Variants in ADCY5 observed in about 807,000 individuals in gnomAD.
ADCY5 encodes the protein adenylate cyclase type 5.
Under a neutral mutation model 119.7 loss-of-function variants are expected in ADCY5, and 30 were observed. That is an observed-to-expected ratio of 0.25 (90% CI 0.19 to 0.34). The LOEUF (loss-of-function observed/expected upper bound fraction) is 0.34. Ranked by LOEUF, ADCY5 falls within the 10% of genes least tolerant of loss-of-function variation. The pLI is 1.00. For missense variants in ADCY5, 1,324 were observed against 1,775.2 expected, an observed-to-expected ratio of 0.75 and a Z score of 4.57; for synonymous variants, 753 against 762.2, an observed-to-expected ratio of 0.99 and a Z score of 0.20.
chr3:123,434,108 C>T (rs867217214), intron 1 of ADCY5, among the ~76,000 whole-genome samples: 1 of 152,232 alleles, frequency 6.6e-6, no homozygotes, highest in African/African-American at 2.4e-5. Flanking sequence ...CTCCACACAG[C>T]TTCTGAAAGC....
At chr3:123,381,263 G>A (rs964472662) in intron 1 of ADCY5, among the ~76,000 whole-genome samples, 10 of 152,166 alleles carry the variant, frequency 6.6e-5, no homozygotes, top group Admixed American at 5.2e-4. Flanking sequence ...AGTACACCAG[G>A]GGTCAGGGCA....
intron 1 of ADCY5, among the ~76,000 whole-genome samples, chr3:123,445,339 G>GCC (rs11371880): frequency 7.2e-4 from 105 of 145,796 alleles, no homozygotes; most frequent in South Asian, 2.2e-3. Flanking sequence ...TGGAATTGGG[G>GCC]CCCCCCCCAA....
chr3:123,345,254 G>A (rs1335526404), intron 3 of ADCY5, among the ~76,000 whole-genome samples: 1 of 152,248 alleles, frequency 6.6e-6, no homozygotes, highest in African/African-American at 2.4e-5. Context: ...AGTGGGAGAA[G>A]AGATGGTGAG....
intron 1 of ADCY5, chr3:123,419,091 A>G (rs1945246264): frequency 1.1e-6 from 1 of 937,430 alleles, no homozygotes; most frequent in Non-Finnish European, 1.3e-6. Context: ...AAATCTTTCT[A>G]TATGTCTATA....
chr3:123,306,864 T>C (rs1191427495), intron 12 of ADCY5, among the ~76,000 whole-genome samples: 6 of 152,250 alleles, frequency 3.9e-5, no homozygotes, highest in Admixed American at 1.3e-4. Context: ...AATTGATGAA[T>C]GAATAAACAA....
intron 7 of ADCY5, among the ~76,000 whole-genome samples, chr3:123,326,929 G>T (rs1442374359): frequency 6.6e-6 from 1 of 152,228 alleles, no homozygotes; most frequent in Admixed American, 6.5e-5. Flanking sequence ...TTCTTAGGAA[G>T]AGAAATGGGG....
At chr3:123,400,013 A>T (rs1489836383) in intron 1 of ADCY5, among the ~76,000 whole-genome samples, 1 of 152,212 alleles carries the variant, frequency 6.6e-6, no homozygotes, top group Admixed American at 6.5e-5. Context: ...GCATGCAGTA[A>T]GCACAATGAA....
chr3:123,392,167 C>T (rs1004594034), intron 1 of ADCY5, among the ~76,000 whole-genome samples: 3 of 152,108 alleles, frequency 2.0e-5, no homozygotes, highest in Non-Finnish European at 4.4e-5. Flanking sequence ...GTATAGCCTC[C>T]GTTATACTAA....
rs762871040 is a variant in ADCY5, at chr3:123,318,072, C to A, written c.2302G>T (p.Ala768Ser). Residue 768 changes from alanine (A) to serine (S), a missense_variant, in exon 11 of 21, where the codon GCC becomes TCC. By Grantham distance (99) the Ala-to-Ser change is moderately conservative. Around this residue, in one of 6 missense-constraint regions of ADCY5, gnomAD observed 424 missense variants for 546.8 expected, o/e 0.78. Coordinates refer to ENST00000462833, the MANE Select transcript of ADCY5 (RefSeq NM_183357.3). ...CAGATGAAGAGGAAGACGAGCGAGGCACACGCCACATAGGCACCAAATCGG... is the reference window on the plus strand; with the variant it reads ...CAGATGAAGAGGAAGACGAGCGAGGAACACGCCACATAGGCACCAAATCGG... Reference protein sequence around the residue: ...DDRFGAYVACASLVFLFICFV... With the variant: ...DDRFGAYVACSSLVFLFICFV... The A allele has an allele frequency of 6.8e-6, 11 of 1,613,832 alleles. No individual in the cohort carries two copies. Among genetic ancestry groups the A allele is most frequent in the Non-Finnish European group, 8.5e-6 (10 of 1,179,966 alleles).
intron 17 of ADCY5, among the ~76,000 whole-genome samples, chr3:123,294,395 G>A (rs1939360319): frequency 6.6e-6 from 1 of 152,242 alleles, no homozygotes; most frequent in Non-Finnish European, 1.5e-5. Flanking sequence ...AAATACAAAG[G>A]GGGAAAAGGG....
intron 2 of ADCY5, among the ~76,000 whole-genome samples, chr3:123,350,512 C>T (rs1352020475): frequency 6.6e-6 from 1 of 152,206 alleles, no homozygotes; most frequent in Non-Finnish European, 1.5e-5. Flanking sequence ...GAGAGGCCCT[C>T]CTACATTTAC....
chr3:123,321,212 T>A (rs1008037200), intron 8 of ADCY5, among the ~76,000 whole-genome samples: 1 of 152,194 alleles, frequency 6.6e-6, no homozygotes, highest in Non-Finnish European at 1.5e-5. Flanking sequence ...CCTCCTTGTG[T>A]ACATCACACC....
chr3:123,333,818 C>T (rs535884336), intron 3 of ADCY5, among the ~76,000 whole-genome samples: 1 of 152,296 alleles, frequency 6.6e-6, no homozygotes, highest in South Asian at 2.1e-4. Flanking sequence ...TCTGACTTCC[C>T]AATCCCACAC....
intron 1 of ADCY5, among the ~76,000 whole-genome samples, chr3:123,421,553 A>C (rs1945303512): frequency 6.6e-6 from 1 of 152,074 alleles, no homozygotes; most frequent in Non-Finnish European, 1.5e-5. Flanking sequence ...AGCCATGGGG[A>C]GTTCTCACAG....
intron 1 of ADCY5, among the ~76,000 whole-genome samples, chr3:123,367,356 C>A (rs1463009788): frequency 6.6e-6 from 1 of 152,208 alleles, no homozygotes. Context: ...TGATGCTTCA[C>A]CCACCCACAA....
intron 1 of ADCY5, among the ~76,000 whole-genome samples, chr3:123,374,325 GTC>G (rs1943748129): frequency 6.6e-6 from 1 of 152,184 alleles, no homozygotes; most frequent in African/African-American, 2.4e-5. Flanking sequence ...GTGAACCACT[GTC>G]TGCCAGGATG....
At position 123,286,858 on chromosome 3, in the gene ADCY5, T is replaced by TTG; in HGVS notation, c.3533-51_3533-50dup. The stretch of plus-strand genomic sequence containing the variant: ...CAGTCATCACATCTCTGGCTTGACC[T>TTG]TGCCACCATCTGTCTCCCCACATGC... On this transcript the variant is annotated intron_variant, in intron 19 of 20. Coordinates refer to ENST00000462833, the MANE Select transcript of ADCY5 (RefSeq NM_183357.3). This position sits in a 1 kb window ranked among gnomAD's most constrained non-coding sequence, Gnocchi z 4.2. The TTG allele has an allele frequency of 6.5e-7, 1 of 1,532,746 alleles. No homozygotes were observed. Among genetic ancestry groups the TTG allele is most frequent in the South Asian group, 1.3e-5 (1 of 77,896 alleles). The allele number at this position is 1,532,746 out of a possible 1,614,324, so 94.9% of individuals were successfully genotyped here. A position where few individuals can be genotyped will look rare whatever the true frequency, so the allele number is the denominator to read the frequency against.
chr3:123,378,428 A>C (rs1221652919), intron 1 of ADCY5, among the ~76,000 whole-genome samples: 2 of 152,032 alleles, frequency 1.3e-5, no homozygotes, highest in Non-Finnish European at 2.9e-5. Flanking sequence ...TGGGAAGCCA[A>C]GTTGCAGAGA....
chr3:123,383,452 G>A (rs1944102867), intron 1 of ADCY5, among the ~76,000 whole-genome samples: 1 of 152,214 alleles, frequency 6.6e-6, no homozygotes, highest in Non-Finnish European at 1.5e-5. Flanking sequence ...AGGCTTAGCG[G>A]GGAGGGGTAA....
Sources: gnomAD v4.1 joint callset for allele counts (sites outside exome capture counted in the v4.1 genomes callset) on GRCh38, gnomAD v4.1.1 for gene constraint, gnomAD v4.1.1 regional missense constraint, Gnocchi (gnomAD v3.1) non-coding constraint, MANE v1.5 for transcripts, NCBI Gene and HGNC (gene_info 2026-07-23, HGNC 2026-07-21) for gene names.